SDK1: variants seen among roughly 807,000 people sequenced by gnomAD.
SDK1 encodes sidekick cell adhesion molecule 1, also known as protein sidekick-1.
SDK1 carries 157 observed loss-of-function variants against 245.5 expected under a neutral mutation model. The ratio of observed to expected loss-of-function variants is 0.64; its 90% CI spans 0.56 to 0.73. SDK1 has a LOEUF of 0.73. SDK1 is among the 30% of genes least tolerant of loss of function. The pLI is 0.00. For missense variants in SDK1, 3,583 were observed against 3,002.3 expected (o/e 1.19, Z -4.52); for synonymous variants, 1,647 against 1,278.5 (o/e 1.29, Z -6.15).
intron 1 of SDK1, among the ~76,000 whole-genome samples, chr7:3,598,822 C>T (rs909034479): frequency 1.3e-5 from 2 of 151,976 alleles, no homozygotes; most frequent in South Asian, 2.1e-4. Flanking sequence ...GAGTAGTAAA[C>T]CGTGGTGTGG....
At chr7:3,965,369 A>G (rs942545098) in intron 9 of SDK1, among the ~76,000 whole-genome samples, 1 of 152,132 alleles carries the variant, frequency 6.6e-6, no homozygotes, top group African/African-American at 2.4e-5. Flanking sequence ...TAGGATTCTC[A>G]TGAGGGTCAG....
At chr7:4,259,959 T>C (rs1370747883) in intron 44 of SDK1, among the ~76,000 whole-genome samples, 1 of 152,204 alleles carries the variant, frequency 6.6e-6, no homozygotes, top group African/African-American at 2.4e-5. Context: ...ATCTGCATCA[T>C]AGGATCCTCA....
rs1025203830 is a variant in SDK1, at chr7:3,659,399, C to T, written c.713+17294C>T. Among the ~76,000 whole-genome samples the T allele has an allele frequency of 6.6e-5, 10 of 152,280 alleles. No individual in the cohort carries two copies. In the East Asian group the frequency reaches 1.5e-3, roughly 24 times the overall value. On this transcript the variant is annotated intron_variant, in intron 4 of 44. Transcript: ENST00000404826. ...AGGTGATGAAAGAAAACCCTGTCCACAGATATAATATTTATACCAAAATTT... is the reference window on the plus strand; with the variant it reads ...AGGTGATGAAAGAAAACCCTGTCCATAGATATAATATTTATACCAAAATTT...
At chr7:4,099,200 T>C (rs1311463832) in intron 22 of SDK1, among the ~76,000 whole-genome samples, 11 of 151,838 alleles carry the variant, frequency 7.2e-5, no homozygotes, top group Non-Finnish European at 1.0e-4. Context: ...GTTAGAAAGT[T>C]GCACAGCACC....
chr7:3,642,511 A>T (rs535726293), intron 4 of SDK1, among the ~76,000 whole-genome samples: 56 of 152,132 alleles, frequency 3.7e-4, no homozygotes, highest in South Asian at 8.3e-4. Context: ...TTATTGAGCC[A>T]TGTTTGATAC....
chr7:3,364,163 T>C (rs1205227788), intron 1 of SDK1, among the ~76,000 whole-genome samples: 1 of 152,212 alleles, frequency 6.6e-6, no homozygotes, highest in African/African-American at 2.4e-5. Context: ...ATTTTAAGAG[T>C]TCTTTATATA....
At chr7:3,403,824 C>CAT (rs10650660) in intron 1 of SDK1, among the ~76,000 whole-genome samples, 2,172 of 60,072 alleles carry the variant, frequency 0.036, 35 homozygotes, top group Non-Finnish European at 0.051. Context: ...AAATATCTTA[C>CAT]ATATATATAT....
chr7:3,564,241 C>G (rs553961656), intron 1 of SDK1, among the ~76,000 whole-genome samples: 9 of 151,876 alleles, frequency 5.9e-5, no homozygotes, highest in East Asian at 1.9e-4. Context: ...AATAATAACA[C>G]CTGACATGAT....
intron 14 of SDK1, among the ~76,000 whole-genome samples, chr7:3,994,303 T>C (rs899590250): frequency 2.0e-5 from 3 of 152,114 alleles, no homozygotes; most frequent in Non-Finnish European, 2.9e-5. Flanking sequence ...AACTCTAAAA[T>C]AGAACTCATC....
At chr7:3,535,744 C>G (rs924278286) in intron 1 of SDK1, among the ~76,000 whole-genome samples, 1 of 152,034 alleles carries the variant, frequency 6.6e-6, no homozygotes, top group African/African-American at 2.4e-5. Context: ...GTTGAAAATA[C>G]ATAAATACAT....
chr7:4,190,660 G>A (rs1562410218), intron 35 of SDK1, among the ~76,000 whole-genome samples: 1 of 152,266 alleles, frequency 6.6e-6, no homozygotes, highest in Non-Finnish European at 1.5e-5. Context: ...CTGTGCACAG[G>A]CACTGCTGAC....
chr7:3,614,258 A>G (rs1046026549), intron 1 of SDK1, among the ~76,000 whole-genome samples: 10 of 152,240 alleles, frequency 6.6e-5, no homozygotes, highest in African/African-American at 2.4e-4. Flanking sequence ...TATTTTAAGA[A>G]TAGAACACTT....
chr7:3,697,691 TACTC>T (rs755800970), intron 4 of SDK1, among the ~76,000 whole-genome samples: 17 of 152,276 alleles, frequency 1.1e-4, no homozygotes, highest in African/African-American at 3.4e-4. Flanking sequence ...GTTTATAACT[TACTC>T]ATTTCCTCTC....
intron 4 of SDK1, among the ~76,000 whole-genome samples, chr7:3,731,990 C>T (rs1351824162): frequency 1.3e-5 from 2 of 152,188 alleles, no homozygotes; most frequent in African/African-American, 2.4e-5. Flanking sequence ...TGGGGTTTCA[C>T]CGTGTTGGTC....
chr7:3,660,707 C>T lies in SDK1; in HGVS notation c.713+18602C>T, dbSNP rs139456062. ...CATAGCAGCACTAGCTCATGCTTCA[C>T]CCAGGATGATTTCTCTTCATGTTTT... is the stretch of plus-strand genomic sequence containing the variant. On this transcript the variant is annotated intron_variant, in intron 4 of 44. Transcript: ENST00000404826. Among the ~76,000 whole-genome samples, 6 of 152,328 alleles carry T rather than the reference C, an allele frequency of 3.9e-5. No individual in the cohort carries two copies. In the South Asian group the frequency reaches 8.3e-4, roughly 21 times the overall value.
intron 5 of SDK1, among the ~76,000 whole-genome samples, chr7:3,841,786 C>T (rs1360988037): frequency 6.6e-6 from 1 of 152,124 alleles, no homozygotes; most frequent in Non-Finnish European, 1.5e-5. Context: ...TGGTCTCGAA[C>T]TCCTGACCTC....
chr7:3,409,825 G>C (rs1283536036), intron 1 of SDK1, among the ~76,000 whole-genome samples: 2 of 152,144 alleles, frequency 1.3e-5, no homozygotes, highest in Non-Finnish European at 2.9e-5. Context: ...TCTTGTGTTT[G>C]TGTTGGTAAG....
At chr7:4,240,561 G>A (rs907688286) in intron 42 of SDK1, among the ~76,000 whole-genome samples, 5 of 152,110 alleles carry the variant, frequency 3.3e-5, no homozygotes, top group African/African-American at 9.7e-5. Flanking sequence ...TTTAAAGCAC[G>A]TCAAAGGGGG....
chr7:4,139,845 G>A (rs377240490), intron 28 of SDK1, among the ~76,000 whole-genome samples: 19 of 152,156 alleles, frequency 1.2e-4, no homozygotes, highest in South Asian at 1.1e-3. Flanking sequence ...CTCGCCCTGC[G>A]CTGTCTGGGC....
Sources: gnomAD v4.1 joint callset for allele counts (sites outside exome capture counted in the v4.1 genomes callset) on GRCh38, gnomAD v4.1.1 for gene constraint, MANE v1.5 for transcripts, NCBI Gene and HGNC (gene_info 2026-07-23, HGNC 2026-07-21) for gene names.